Variants in POP4 observed in about 807,000 individuals in gnomAD.
The protein encoded by POP4 is ribonuclease P protein subunit p29.
POP4 carries 31 observed loss-of-function variants against 29.9 expected under a neutral mutation model. The observed-to-expected ratio is 1.04, with a 90% CI of 0.78 to 1.40. The LOEUF (loss-of-function observed/expected upper bound fraction) is 1.40. Ranked by LOEUF, POP4 falls within the 40% of genes most tolerant of loss-of-function variation. The probability of loss-of-function intolerance (pLI) is 0.00; values close to 1 mark genes in which losing one functional copy is unlikely to be tolerated. For missense variants in POP4, 286 were observed against 282.7 expected, an observed-to-expected ratio of 1.01 and a Z score of -0.08; for synonymous variants, 110 against 108.2, an observed-to-expected ratio of 1.02 and a Z score of -0.10.
At chr19:29,608,534 T>A in intron 1 of POP4, 123 bp from the exon 2 acceptor site, 1 of 951,194 alleles carries the variant, frequency 1.1e-6, no homozygotes, top group Non-Finnish European at 1.6e-6. Flanking sequence ...CCTCCCAAAG[T>A]GCTAGGACTA....
At position 29,608,700 on chromosome 19, in the gene POP4, C is replaced by T. The variant is rs759271369; in HGVS notation, c.51C>T (p.Ser17=). 7.4e-6 allele frequency: 12 copies of T among 1,613,772 alleles called. No individual in the cohort carries two copies. The highest frequency in any genetic ancestry group is 1.7e-5 in the Admixed American group (1 of 59,998). ...HALSQKEAND[S]DVQPSGAQRA... ...TGTCTCAGAAAGAGGCGAATGACTC[C>T]GATGTCCAGGTCAGTTCTTGGCAGG... Residue 17 remains serine, a synonymous_variant, in exon 2 of 7, where the codon TCC becomes TCT. Transcript: ENST00000585603.
rs770147099 is a variant in POP4, at chr19:29,606,390, G to A, written c.7+65G>A. ...AAGGGTCGGGGTCTTGGTACTGGTG[G>A]GTGAAATGGGTCCGGGCTACCTGTT... is the stretch of plus-strand genomic sequence containing the variant. On this transcript the variant is annotated intron_variant, in intron 1 of 6. Coordinates refer to ENST00000585603, the MANE Select transcript of POP4 (RefSeq NM_006627.3). 3 of 1,531,272 alleles carry A rather than the reference G, an allele frequency of 2.0e-6. No individual in the cohort carries two copies. The African/African-American group carries it at 4.2e-5, about 21-fold the overall frequency. 94.9% of individuals were successfully genotyped at this position (1,531,272 alleles called of 1,614,324 possible).
In POP4 at chr19:29,615,246, AT is replaced by A; in HGVS notation, c.530del (p.Ile177ThrfsTer4). ...IITKEDRLKVIPKLNCVFTVE... is the reference protein window; with the variant it reads ...IITKEDRLKVXPKLNCVFTVE... ...GCCTTTTTTTTTTTTTTTTTCAGTT[AT>A]CCCCAAGCTAAACTGCGTGTTCACT... is the stretch of plus-strand genomic sequence containing the variant. On this transcript the variant is annotated frameshift_variant, in exon 7 of 7. Transcript: ENST00000585603. LOFTEE classifies it high-confidence loss of function. 8.1e-7 allele frequency: 1 copy of A among 1,240,048 alleles called. No individual in the cohort carries two copies. Among genetic ancestry groups the A allele is most frequent in the East Asian group, 3.1e-5 (1 of 32,672 alleles). 76.8% of individuals were successfully genotyped at this position (1,240,048 alleles called of 1,614,324 possible).
Position 29,610,493 on chromosome 19 carries a change from G to C in POP4, c.145G>C (p.Asp49His). Reference sequence around the variant, plus strand: ...CCGCATGAGCCCGCAGGCCCGCGAGGACCAGCTGCAGCGCAAGGCGGTGGT... The same window carrying C: ...CCGCATGAGCCCGCAGGCCCGCGAGCACCAGCTGCAGCGCAAGGCGGTGGT... ...TPRMSPQARE[D>H]QLQRKAVVLE... Residue 49 changes from aspartate to histidine, a missense_variant, in exon 3 of 7, where the codon GAC becomes CAC. Coordinates refer to ENST00000585603, the MANE Select transcript of POP4 (RefSeq NM_006627.3). 6.2e-7 allele frequency: 1 copy of C among 1,611,878 alleles called. No individual in the cohort carries two copies. The highest frequency in any genetic ancestry group is 8.5e-7 in the Non-Finnish European group (1 of 1,179,318).
intron 3 of POP4, chr19:29,611,105 C>T (rs937853811): frequency 6.2e-6 from 1 of 162,140 alleles, no homozygotes; most frequent in African/African-American, 2.4e-5. Context: ...CCCGCCATCC[C>T]TCCTTGGTGA....
intron 3 of POP4, chr19:29,610,960 T>C (rs1394964667): frequency 3.1e-5 from 9 of 286,264 alleles, no homozygotes; most frequent in Non-Finnish European, 6.0e-5. Context: ...TATTACTTTG[T>C]AGCTTTTGAT....
intron 2 of POP4, chr19:29,609,058 T>G (rs1482674878): frequency 3.5e-5 from 7 of 201,236 alleles, no homozygotes; most frequent in Non-Finnish European, 6.0e-5. Flanking sequence ...CAATCACATA[T>G]CATAAGTGAA....
intron 2 of POP4, among the ~76,000 whole-genome samples, chr19:29,609,711 C>T (rs572163571): frequency 6.6e-6 from 1 of 152,316 alleles, no homozygotes; most frequent in Admixed American, 6.5e-5. Flanking sequence ...CTCTAAGAGC[C>T]TGTGCTCATT....
chr19:29,615,934 T>C lies in POP4; in HGVS notation c.*554T>C, dbSNP rs1971126275. The C allele has an allele frequency of 6.6e-6, 1 of 152,610 alleles. No homozygotes were observed. Among genetic ancestry groups the C allele is most frequent in the African/African-American group, 2.4e-5 (1 of 41,448 alleles). 9.5% of individuals were successfully genotyped at this position (152,610 alleles called of 1,614,324 possible). A position where few individuals can be genotyped will look rare whatever the true frequency, so the allele number is the denominator to read the frequency against. Reference sequence around the variant, plus strand: ...GCTATTTCAGGAAGGTTGAAGAGGATTGAAGGGTGAGTTGCTAAGTGACTT... The same window carrying C: ...GCTATTTCAGGAAGGTTGAAGAGGACTGAAGGGTGAGTTGCTAAGTGACTT... On this transcript the variant is annotated 3_prime_UTR_variant, in exon 7 of 7. Coordinates refer to ENST00000585603, the MANE Select transcript of POP4 (RefSeq NM_006627.3).
intron 2 of POP4, chr19:29,608,986 A>G (rs1026943554): frequency 1.7e-5 from 6 of 356,246 alleles, no homozygotes; most frequent in Non-Finnish European, 3.1e-5. Flanking sequence ...GGCTGTGCCC[A>G]CGTGGTGGGC....
chr19:29,610,570 AG>A lies in POP4; in HGVS notation c.224del (p.Gly75AlafsTer51), dbSNP rs1367281083. 4 of 1,614,192 alleles carry A rather than the reference AG, an allele frequency of 2.5e-6. No homozygotes were observed. In the South Asian group the frequency reaches 3.3e-5, roughly 13 times the overall value. ...KRKEKKKKAK[G>X]LSARQRRELR... ...GCAAGGAGAAGAAGAAGAAAGCCAA[AG>A]GCCTCTCTGCCAGGCAAAGGAGGGA... On this transcript the variant is annotated frameshift_variant, in exon 3 of 7. Coordinates refer to ENST00000585603, the MANE Select transcript of POP4 (RefSeq NM_006627.3). LOFTEE classifies it high-confidence loss of function.
Position 29,615,615 on chromosome 19 carries a change from A to G in POP4, c.*235A>G, listed in dbSNP as rs1339655166. On this transcript the variant is annotated 3_prime_UTR_variant, in exon 7 of 7. Coordinates refer to ENST00000585603, the MANE Select transcript of POP4 (RefSeq NM_006627.3). ...GAGATTTTCATTTTGTGTGACTCCC[A>G]TGGGGAGGAACAGACTGGCAGGAAG... The G allele has an allele frequency of 4.4e-6, 2 of 449,910 alleles. No individual in the cohort carries two copies. Among genetic ancestry groups the G allele is most frequent in the Non-Finnish European group, 7.9e-6 (2 of 253,928 alleles). 27.9% of individuals were successfully genotyped at this position (449,910 alleles called of 1,614,324 possible).
At chr19:29,607,079 A>G (rs1311362299) in intron 1 of POP4, among the ~76,000 whole-genome samples, 1 of 152,118 alleles carries the variant, frequency 6.6e-6, no homozygotes, top group Admixed American at 6.5e-5. Flanking sequence ...CCCATCTTCC[A>G]TTTGAGGGAG....
chr19:29,611,723 CTCA>C lies in POP4; in HGVS notation c.285-136_285-134del, dbSNP rs1359309559. ...TTGGTCTCGGTTATCAGCTCAATTG[CTCA>C]TCGTCGGATTTGCACATAGTTCCTA... On this transcript the variant is annotated intron_variant, in intron 3 of 6. Transcript: ENST00000585603. 1.0e-5 allele frequency: 7 copies of C among 693,382 alleles called. No homozygotes were observed. The East Asian group carries it at 1.8e-4, about 18-fold the overall frequency. The allele number at this position is 693,382 out of a possible 1,614,324, so 43.0% of individuals were successfully genotyped here.
Position 29,611,879 on chromosome 19 carries a change from C to T in POP4, c.302C>T (p.Pro101Leu), listed in dbSNP as rs139555241. ...TGCTGCAGATACAGCCTTTTCCTCC[C>T]TCTCCATGAACTCTGGAAACAGTAC... ...PEQQRYSLFL[P>L]LHELWKQYIR... The change falls in exon 4 of 7, where the codon CCT becomes CTT. Residue 101 changes from proline (P) to leucine (L), a missense_variant. Physicochemically the swap from Pro to Leu is moderately conservative, Grantham distance 98 (BLOSUM62 -3). Coordinates refer to ENST00000585603, the MANE Select transcript of POP4 (RefSeq NM_006627.3). 46 of 1,614,138 alleles carry T rather than the reference C, an allele frequency of 2.8e-5. No homozygotes were observed. In the African/African-American group the frequency reaches 5.2e-4, roughly 18 times the overall value.
chr19:29,607,361 TCA>T (rs1182269297), intron 1 of POP4, among the ~76,000 whole-genome samples: 2 of 151,370 alleles, frequency 1.3e-5, no homozygotes, highest in African/African-American at 4.9e-5. Context: ...GGTGGGAGGA[TCA>T]CTTGAAACCA....
rs72228837 is a variant in POP4 at position 29,615,223 on chromosome 19, CTTT to C, written c.527-6_527-4del. 3,903 of 1,310,346 alleles carry C rather than the reference CTTT, an allele frequency of 3.0e-3. No individual in the cohort carries two copies. Among genetic ancestry groups the C allele is most frequent in the South Asian group, 5.3e-3 (320 of 60,432 alleles). The allele number at this position is 1,310,346 out of a possible 1,614,324, so 81.2% of individuals were successfully genotyped here. A position where few individuals can be genotyped will look rare whatever the true frequency, so the allele number is the denominator to read the frequency against. On this transcript the variant is annotated intron_variant, in intron 6 of 6. Transcript: ENST00000585603. The stretch of plus-strand genomic sequence containing the variant: ...TTTTCCTCATCTTTTTTTCTCCTGC[CTTT>C]TTTTTTTTTTTTTTCAGTTATCCCC...
At chr19:29,611,728 C>T in intron 3 of POP4, 134 bp from the exon 4 acceptor site, 2 of 712,264 alleles carry the variant, frequency 2.8e-6, no homozygotes, top group East Asian at 2.5e-5. Context: ...AATTGCTCAT[C>T]GTCGGATTTG....
At position 29,610,732 on chromosome 19, in the gene POP4, C is replaced by G. The variant is rs1971058421; in HGVS notation, c.284+100C>G. 21 of 1,170,574 alleles carry G rather than the reference C, an allele frequency of 1.8e-5. No homozygotes were observed. In the South Asian group the frequency reaches 2.7e-4, roughly 15 times the overall value. 72.5% of individuals were successfully genotyped at this position (1,170,574 alleles called of 1,614,324 possible). ...GGGAGGCAGCCTGGCTCCACCTAAG[C>G]TAAGGGGGCCTCTCTGTCGTCTGCC... On this transcript the variant is annotated intron_variant, in intron 3 of 6. Coordinates refer to ENST00000585603, the MANE Select transcript of POP4 (RefSeq NM_006627.3).
Sources: gnomAD v4.1 joint callset for allele counts (sites outside exome capture counted in the v4.1 genomes callset) on GRCh38, gnomAD v4.1.1 for gene constraint, MANE v1.5 for transcripts, NCBI Gene and HGNC (gene_info 2026-07-23, HGNC 2026-07-21) for gene names.